NELL2: variants seen among roughly 807,000 people sequenced by gnomAD.
NELL2 encodes the protein protein kinase C-binding protein NELL2.
In NELL2, 41 loss-of-function variants were observed where a neutral mutation model predicts 109.6. The observed-to-expected ratio is 0.37, with a 90% CI of 0.29 to 0.49. NELL2 has a LOEUF of 0.49. NELL2 is among the 20% of genes least tolerant of loss of function. The pLI is 0.98. For synonymous variants in NELL2, 355 were observed against 344.7 expected, an observed-to-expected ratio of 1.03 and a Z score of -0.33; for missense variants, 900 against 1,008.3, an observed-to-expected ratio of 0.89 and a Z score of 1.45.
At chr12:44,614,697 T>C (rs17571971) in intron 13 of NELL2, among the ~76,000 whole-genome samples, 10,357 of 152,084 alleles carry the variant, frequency 0.068, 502 homozygotes, top group Non-Finnish European at 0.1. Context: ...TCCAACAGTG[T>C]CATCAGTCAT....
chr12:44,891,198 G>A (rs879650810), intron 1 of NELL2, among the ~76,000 whole-genome samples: 6 of 152,068 alleles, frequency 3.9e-5, no homozygotes, highest in African/African-American at 4.8e-5. Flanking sequence ...TGTTCTCCAT[G>A]CCCTGCCATT....
At chr12:44,802,561 G>A (rs1375511720) in intron 3 of NELL2, among the ~76,000 whole-genome samples, 4 of 151,916 alleles carry the variant, frequency 2.6e-5, no homozygotes, top group Non-Finnish European at 5.9e-5. Flanking sequence ...TCATCTTTAT[G>A]GGAATAAGAT....
intron 2 of NELL2, among the ~76,000 whole-genome samples, chr12:44,835,451 GC>G (rs759135939): frequency 1.2e-4 from 18 of 152,140 alleles, no homozygotes; most frequent in Non-Finnish European, 1.8e-4. Context: ...GGGAGCTTTG[GC>G]CAAGTGTCCA....
At chr12:44,573,925 G>A (rs950628105) in intron 15 of NELL2, among the ~76,000 whole-genome samples, 2 of 152,204 alleles carry the variant, frequency 1.3e-5, no homozygotes, top group African/African-American at 4.8e-5. Flanking sequence ...GTTTGGCATG[G>A]CTGGCATCTT....
intron 2 of NELL2, chr12:44,874,870 T>G (rs901344086): frequency 1.6e-5 from 3 of 186,860 alleles, no homozygotes; most frequent in Admixed American, 1.1e-4. Context: ...TAACTAAGAT[T>G]AAGCTATCCT....
intron 13 of NELL2, among the ~76,000 whole-genome samples, chr12:44,622,152 C>T (rs1430603463): frequency 6.6e-6 from 1 of 152,146 alleles, no homozygotes; most frequent in African/African-American, 2.4e-5. Flanking sequence ...TTTTCAATTT[C>T]TCAGAGCATT....
chr12:44,729,998 C>A (rs1939286025), intron 9 of NELL2, among the ~76,000 whole-genome samples: 1 of 151,916 alleles, frequency 6.6e-6, no homozygotes, highest in Non-Finnish European at 1.5e-5. Flanking sequence ...GTTGGCCAGG[C>A]TATGACACAA....
chr12:44,900,876 C>T (rs777272857), intron 1 of NELL2, among the ~76,000 whole-genome samples: 1 of 152,074 alleles, frequency 6.6e-6, no homozygotes, highest in African/African-American at 2.4e-5. Context: ...GTAGTCCCAG[C>T]TACTCAAGAG....
At chr12:44,675,483 C>T (rs1002668828) in intron 12 of NELL2, among the ~76,000 whole-genome samples, 3 of 152,104 alleles carry the variant, frequency 2.0e-5, no homozygotes, top group African/African-American at 7.2e-5. Context: ...CAGGATAATT[C>T]AAGCTGGTCT....
At chr12:44,537,421 T>C (rs987673026) in intron 15 of NELL2, among the ~76,000 whole-genome samples, 1 of 152,144 alleles carries the variant, frequency 6.6e-6, no homozygotes, top group Admixed American at 6.6e-5. Context: ...TAGTTTCTGC[T>C]CTTATATTGG....
chr12:44,508,734 T>C lies in NELL2; in HGVS notation c.*200A>G, dbSNP rs1214304763. On this transcript the variant is annotated 3_prime_UTR_variant, in exon 20 of 20. Transcript: ENST00000429094. Reference sequence around the variant, plus strand: ...GATGTGAGACACAGTAGAGGCAGACTTGAGGTCTAATTTTGCCCCAGTAAT... The same window carrying C: ...GATGTGAGACACAGTAGAGGCAGACCTGAGGTCTAATTTTGCCCCAGTAAT... The C allele has an allele frequency of 1.0e-5, 6 of 583,312 alleles. No homozygotes were observed. Among genetic ancestry groups the C allele is most frequent in the Admixed American group, 3.1e-5 (1 of 32,560 alleles). 36.1% of individuals were successfully genotyped at this position (583,312 alleles called of 1,614,324 possible).
At chr12:44,541,359 A>G (rs1215250156) in intron 15 of NELL2, among the ~76,000 whole-genome samples, 1 of 151,936 alleles carries the variant, frequency 6.6e-6, no homozygotes, top group African/African-American at 2.4e-5. Context: ...TATTTCATCT[A>G]TAAAATAGGG....
At chr12:44,673,604 G>GC (rs1055678876) in intron 12 of NELL2, among the ~76,000 whole-genome samples, 7 of 152,136 alleles carry the variant, frequency 4.6e-5, no homozygotes, top group Non-Finnish European at 2.9e-5. Context: ...AACAAAGAGT[G>GC]CCCCACTGGG....
At chr12:44,875,050 G>T in intron 2 of NELL2, 175 bp downstream of exon 2, 1 of 792,616 alleles carries the variant, frequency 1.3e-6, no homozygotes, top group Non-Finnish European at 1.9e-6. Context: ...TGAGGCAGGG[G>T]AGAAAAAACC....
intron 15 of NELL2, among the ~76,000 whole-genome samples, chr12:44,584,854 T>C (rs571385834): frequency 1.2e-4 from 19 of 152,172 alleles, no homozygotes; most frequent in Non-Finnish European, 2.1e-4. Flanking sequence ...CCTAACAATA[T>C]AGACAATGGA....
At chr12:44,780,602 A>G (rs1322258645) in intron 3 of NELL2, among the ~76,000 whole-genome samples, 1 of 152,034 alleles carries the variant, frequency 6.6e-6, no homozygotes, top group Non-Finnish European at 1.5e-5. Flanking sequence ...CCACAGCACT[A>G]GTGAAGACCA....
At chr12:44,515,657 A>G (rs1329843058) in intron 19 of NELL2, among the ~76,000 whole-genome samples, 1 of 151,966 alleles carries the variant, frequency 6.6e-6, no homozygotes, top group Non-Finnish European at 1.5e-5. Context: ...AAAGTGACTC[A>G]CTGAAACTCA....
At chr12:44,902,782 G>C (rs1423097544) in intron 1 of NELL2, among the ~76,000 whole-genome samples, 1 of 152,156 alleles carries the variant, frequency 6.6e-6, no homozygotes, top group Non-Finnish European at 1.5e-5. Context: ...TCACAAACCT[G>C]AGAAAAACAA....
intron 15 of NELL2, among the ~76,000 whole-genome samples, chr12:44,584,978 T>C (rs1208603089): frequency 6.6e-6 from 1 of 152,238 alleles, no homozygotes; most frequent in Non-Finnish European, 1.5e-5. Flanking sequence ...CTGATCCAGC[T>C]TGATAGGCCT....
Sources: allele counts gnomAD v4.1 joint callset (sites outside exome capture counted in the v4.1 genomes callset), GRCh38; gene constraint gnomAD v4.1.1; transcripts MANE v1.5; gene names NCBI Gene and HGNC (gene_info 2026-07-23, HGNC 2026-07-21).